The following RBM28 variants were observed in gnomAD, a reference collection of about 807,000 sequenced individuals.
The protein encoded by RBM28 is RNA binding motif protein 28, also known as RNA-binding protein 28.
A neutral mutation model predicts 98.3 loss-of-function variants in RBM28; 78 were observed. That is an observed-to-expected ratio of 0.79 (90% CI 0.66 to 0.96). The LOEUF (loss-of-function observed/expected upper bound fraction) is 0.96, where lower values mean the gene tolerates loss of function less well. Ranked by LOEUF, RBM28 falls within the 40% of genes least tolerant of loss-of-function variation. RBM28 has a pLI of 0.00. For missense variants in RBM28, 838 were observed against 913.0 expected (o/e 0.92, Z 1.06); for synonymous variants, 306 against 330.9 (o/e 0.92, Z 0.82).
chr7:128,324,075 C>T lies in RBM28; in HGVS notation c.1339+484G>A, dbSNP rs969427110. Among the ~76,000 whole-genome samples, 97 of 152,298 alleles carry T rather than the reference C, an allele frequency of 6.4e-4. 2 individuals are homozygous for T. Among genetic ancestry groups the T allele is most frequent in the African/African-American group, 2.2e-3 (91 of 41,550 alleles). On this transcript the variant is annotated intron_variant, in intron 12 of 18. Transcript: ENST00000223073. ...CGAAGGCTAAAGGACATTACTAGTACAGGCTGTGAAGCTATGGAGGAGGTG... is the reference window on the plus strand; with the variant it reads ...CGAAGGCTAAAGGACATTACTAGTATAGGCTGTGAAGCTATGGAGGAGGTG...
At chr7:128,315,993 T>C (rs912200928) in intron 16 of RBM28, among the ~76,000 whole-genome samples, 2 of 152,198 alleles carry the variant, frequency 1.3e-5, no homozygotes, top group Non-Finnish European at 2.9e-5. Flanking sequence ...ATAGAAGTAT[T>C]TGCACTGAAG....
chr7:128,338,255 A>G lies in RBM28; in HGVS notation c.536T>C (p.Ile179Thr), dbSNP rs1390587675. ...KALKGMNMKE[I>T]KGRTVAVDWA... ...TATGGGTATAGAAAGCTTACCTTTT[A>G]TCTCTTTCATGTTCATGCCTTTGAG... is the stretch of plus-strand genomic sequence containing the variant. The change falls in exon 5 of 19, where the codon ATA becomes ACA. Residue 179 changes from isoleucine to threonine, a missense_variant. By Grantham distance (89) the Ile-to-Thr change is moderately conservative. Transcript: ENST00000223073. 1.2e-6 allele frequency: 2 copies of G among 1,613,360 alleles called. No individual in the cohort carries two copies. The highest frequency in any genetic ancestry group is 2.2e-5 in the South Asian group (2 of 91,070).
intron 10 of RBM28, among the ~76,000 whole-genome samples, chr7:128,326,913 G>A (rs1366541433): frequency 6.6e-6 from 1 of 151,950 alleles, no homozygotes; most frequent in Non-Finnish European, 1.5e-5. Flanking sequence ...ACCAAGGCAG[G>A]AAGATCGCTT....
intron 12 of RBM28, 74 bp downstream of exon 12, chr7:128,324,485 C>T: frequency 1.3e-6 from 2 of 1,595,138 alleles, no homozygotes; most frequent in Non-Finnish European, 1.7e-6. Context: ...TGCTTCCAGG[C>T]ATACTATTGC....
chr7:128,330,883 G>A lies in RBM28; in HGVS notation c.1065C>T (p.Leu355=), dbSNP rs1796465977. ...CATATTTGAGTTCTCCAAACTGTTG[G>A]AGAAGCTCCCCAAGTTCTTCTTCTT... is the stretch of plus-strand genomic sequence containing the variant. ...DSEEEELGEL[L]QQFGELKYVR... The change falls in exon 10 of 19, where the codon CTC becomes CTT. Residue 355 remains leucine (L), a synonymous_variant. Transcript: ENST00000223073. The A allele has an allele frequency of 1.2e-6, 2 of 1,614,096 alleles. No individual in the cohort carries two copies. The highest frequency in any genetic ancestry group is 1.3e-5 in the African/African-American group (1 of 75,042).
Position 128,337,120 on chromosome 7 carries a change from C to T in RBM28, c.613+11G>A, listed in dbSNP as rs754289593. ...CAACGCCCCTACTCACCCAACACTACCACATCTTACCTATAGCAGAAACAG... is the reference window on the plus strand; with the variant it reads ...CAACGCCCCTACTCACCCAACACTATCACATCTTACCTATAGCAGAAACAG... On this transcript the variant is annotated intron_variant, in intron 6 of 18. Coordinates refer to ENST00000223073, the MANE Select transcript of RBM28 (RefSeq NM_018077.3). The T allele has an allele frequency of 5.6e-6, 9 of 1,613,678 alleles. No individual in the cohort carries two copies. Among genetic ancestry groups the T allele is most frequent in the South Asian group, 1.1e-5 (1 of 91,072 alleles).
intron 9 of RBM28, among the ~76,000 whole-genome samples, chr7:128,331,702 T>C (rs1459364751): frequency 6.6e-6 from 1 of 151,720 alleles, no homozygotes; most frequent in Non-Finnish European, 1.5e-5. Flanking sequence ...CTTACTTCTC[T>C]CGATGGGATT....
At chr7:128,339,099 G>T (rs907332806) in intron 3 of RBM28, 128 bp downstream of exon 3, 18 of 909,812 alleles carry the variant, frequency 2.0e-5, no homozygotes, top group Non-Finnish European at 2.7e-5. Flanking sequence ...GAATTCAACA[G>T]GGGTAAGGTT....
intron 1 of RBM28, among the ~76,000 whole-genome samples, chr7:128,342,279 C>T (rs359658): frequency 0.42 from 63,949 of 152,050 alleles, 15,004 homozygotes; most frequent in African/African-American, 0.65. Flanking sequence ...ATTTTAAGTA[C>T]ATAAGCTTTT....
At chr7:128,321,650 C>A (rs1796237955) in intron 13 of RBM28, among the ~76,000 whole-genome samples, 1 of 152,154 alleles carries the variant, frequency 6.6e-6, no homozygotes, top group Non-Finnish European at 1.5e-5. Context: ...TCTGGAGACC[C>A]ATCCCTAACT....
chr7:128,329,395 G>C (rs372240334), intron 10 of RBM28, among the ~76,000 whole-genome samples: 1 of 152,156 alleles, frequency 6.6e-6, no homozygotes, highest in East Asian at 1.9e-4. Flanking sequence ...CACCGCTCCC[G>C]GCCAGGTCTT....
chr7:128,320,424 G>A (rs1258424947), intron 14 of RBM28, among the ~76,000 whole-genome samples: 2 of 150,084 alleles, frequency 1.3e-5, no homozygotes, highest in African/African-American at 4.9e-5. Context: ...AAAAAAGAAA[G>A]GAAGAAAAGA....
chr7:128,303,034 G>A lies in RBM28; in HGVS notation c.*7763C>T, dbSNP rs977810150. ...CCATCTCAGCCTCCCATAGTGCTGG[G>A]GTTACAGGTATGAGCCACCAAGCCC... On this transcript the variant is annotated 3_prime_UTR_variant, in exon 19 of 19. Transcript: ENST00000223073. 6.6e-6 allele frequency: 1 copy of A among 152,174 alleles called. No individual in the cohort carries two copies. The highest frequency in any genetic ancestry group is 2.4e-5 in the African/African-American group (1 of 41,420). The allele number at this position is 152,174 out of a possible 1,614,324, so 9.4% of individuals were successfully genotyped here. A position where few individuals can be genotyped will look rare whatever the true frequency, so the allele number is the denominator to read the frequency against.
At chr7:128,315,091 T>C in intron 16 of RBM28, 71 bp from the exon 17 acceptor site, 1 of 1,589,230 alleles carries the variant, frequency 6.3e-7, no homozygotes, top group Non-Finnish European at 8.6e-7. Flanking sequence ...CAGCAGAAGA[T>C]GAGCTTTATG....
At chr7:128,313,025 A>C in intron 18 of RBM28, 150 bp downstream of exon 18, 1 of 782,826 alleles carries the variant, frequency 1.3e-6, no homozygotes. Flanking sequence ...TCCACTTTTA[A>C]GATTGTATAG....
Position 128,318,014 on chromosome 7 carries a change from A to G in RBM28, c.1656T>C (p.His552=), listed in dbSNP as rs376011749. Residue 552 remains histidine (H), a synonymous_variant, in exon 15 of 19, where the codon CAT becomes CAC. Coordinates refer to ENST00000223073, the MANE Select transcript of RBM28 (RefSeq NM_018077.3). ...TGATGAGGCGGAGGGCTTTCAGGGC[A>G]TGCTCGTGCTCTTGGAACTCCGCAA... is the stretch of plus-strand genomic sequence containing the variant. ...YAFAEFQEHE[H]ALKALRLINN... 51 of 1,614,102 alleles carry G rather than the reference A, an allele frequency of 3.2e-5. 1 individual carries two copies. Among genetic ancestry groups the G allele is most frequent in the Non-Finnish European group, 1.5e-5 (18 of 1,180,050 alleles).
intron 16 of RBM28, among the ~76,000 whole-genome samples, chr7:128,315,944 A>G (rs969245456): frequency 1.3e-5 from 2 of 152,256 alleles, no homozygotes; most frequent in African/African-American, 4.8e-5. Context: ...AAAGACGACA[A>G]GAAAAAGATG....
chr7:128,328,731 G>T (rs929372679), intron 10 of RBM28, among the ~76,000 whole-genome samples: 1 of 152,124 alleles, frequency 6.6e-6, no homozygotes, highest in Non-Finnish European at 1.5e-5. Context: ...AATTCAAATT[G>T]TCTAAAAACA....
intron 2 of RBM28, 111 bp downstream of exon 2, chr7:128,339,522 A>C (rs1172306615): frequency 2.9e-6 from 4 of 1,393,458 alleles, no homozygotes; most frequent in Middle Eastern, 1.8e-4. Context: ...ATCAAAAAGA[A>C]ATGCAAAAAG....
Sources: gnomAD v4.1 joint callset for allele counts (sites outside exome capture counted in the v4.1 genomes callset) on GRCh38, gnomAD v4.1.1 for gene constraint, MANE v1.5 for transcripts, NCBI Gene and HGNC (gene_info 2026-07-23, HGNC 2026-07-21) for gene names.